Variants in CNTRL observed in about 807,000 individuals in gnomAD.
The protein encoded by CNTRL is centriolin, also known as 110 kDa centrosomal protein.
In CNTRL, 233 loss-of-function variants were observed where a neutral mutation model predicts 303.7. The observed-to-expected ratio is 0.77, with a 90% CI of 0.69 to 0.86. CNTRL has a LOEUF of 0.86. Ranked by LOEUF, CNTRL falls within the 40% of genes least tolerant of loss-of-function variation. The pLI, the probability that CNTRL is intolerant of heterozygous loss-of-function variation, is 0.00. For synonymous variants in CNTRL, 900 were observed against 922.2 expected, an observed-to-expected ratio of 0.98 and a Z score of 0.44; for missense variants, 2,524 against 2,650.6, an observed-to-expected ratio of 0.95 and a Z score of 1.05.
intron 1 of CNTRL, among the ~76,000 whole-genome samples, chr9:121,079,396 G>C (rs1480747473): frequency 2.0e-5 from 3 of 152,078 alleles, no homozygotes; most frequent in Non-Finnish European, 4.4e-5. Flanking sequence ...GGCCAGGTGT[G>C]GTAGCTCATG....
intron 14 of CNTRL, among the ~76,000 whole-genome samples, chr9:121,133,725 C>G (rs1380760454): frequency 6.6e-6 from 1 of 152,208 alleles, no homozygotes; most frequent in African/African-American, 2.4e-5. Context: ...AATCACCCGT[C>G]GTCTGCGTCG....
intron 7 of CNTRL, among the ~76,000 whole-genome samples, chr9:121,100,528 A>G (rs1424496051): frequency 6.6e-6 from 1 of 152,254 alleles, no homozygotes; most frequent in African/African-American, 2.4e-5. Context: ...AGCTAACATC[A>G]TAATGAAAGG....
In CNTRL at chr9:121,171,535, A is replaced by C. The variant is rs1564306810; in HGVS notation, c.6404A>C (p.Glu2135Ala). Residue 2135 changes from glutamate to alanine, a missense_variant, in exon 40 of 44, where the codon GAG becomes GCG. Physicochemically the swap from Glu to Ala is moderately radical, Grantham distance 107. Transcript: ENST00000373855. ...AACCAGATGCAGTATGAGTACACGG[A>C]GCTCAAGAAACAGGTGTGTGCCCAG... Reference protein sequence around the residue: ...ELNQMQYEYTELKKQMANQKD... With the variant: ...ELNQMQYEYTALKKQMANQKD... 1 of 1,613,664 alleles carries C rather than the reference A, an allele frequency of 6.2e-7. No individual in the cohort carries two copies. Among genetic ancestry groups the C allele is most frequent in the Non-Finnish European group, 8.5e-7 (1 of 1,179,736 alleles).
chr9:121,097,329 G>A (rs941533209), intron 6 of CNTRL, among the ~76,000 whole-genome samples: 3 of 152,030 alleles, frequency 2.0e-5, no homozygotes, highest in Admixed American at 6.5e-5. Context: ...CCATGACCTT[G>A]GAGAATTCTT....
chr9:121,169,885 T>A, intron 39 of CNTRL, 69 bp downstream of exon 39: 1 of 1,236,814 alleles, frequency 8.1e-7, no homozygotes, highest in Non-Finnish European at 1.2e-6. Flanking sequence ...GCAACACCAC[T>A]TCAACACAGA....
At chr9:121,149,267 G>C (rs2134182680) in intron 24 of CNTRL, among the ~76,000 whole-genome samples, 1 of 152,328 alleles carries the variant, frequency 6.6e-6, no homozygotes, top group African/African-American at 2.4e-5. Context: ...CAGAGGAAGA[G>C]TCAGACCTGA....
intron 12 of CNTRL, 38 bp downstream of exon 12, chr9:121,118,578 A>C (rs200296449): frequency 7.5e-6 from 11 of 1,468,502 alleles, no homozygotes; most frequent in Admixed American, 4.2e-5. Context: ...TTCTGTCTAC[A>C]TATTACATGT....
rs2053160186 is a variant in CNTRL at position 121,167,997 on chromosome 9, T to G, written c.5845-99T>G. 9 of 1,034,428 alleles carry G rather than the reference T, an allele frequency of 8.7e-6. No individual in the cohort carries two copies. The East Asian group carries it at 2.3e-4, about 27-fold the overall frequency. The allele number at this position is 1,034,428 out of a possible 1,614,324, so 64.1% of individuals were successfully genotyped here. ...AATGGAATTGTCCCTGTGGGCTGTC[T>G]TCTACTTTCTTTTGACCTGGAATCT... is the stretch of plus-strand genomic sequence containing the variant. On this transcript the variant is annotated intron_variant, in intron 37 of 43. Transcript: ENST00000373855.
chr9:121,155,051 T>C, intron 27 of CNTRL, 138 bp downstream of exon 27: 1 of 722,108 alleles, frequency 1.4e-6, no homozygotes, highest in Non-Finnish European at 2.4e-6. Flanking sequence ...GGCTGGACTC[T>C]GCTAGTTAAG....
chr9:121,082,129 A>G (rs564002629), intron 2 of CNTRL, among the ~76,000 whole-genome samples: 1 of 152,384 alleles, frequency 6.6e-6, no homozygotes, highest in South Asian at 2.1e-4. Context: ...TGAACAAAGA[A>G]TAGTTCACAA....
At chr9:121,085,558 A>C (rs2048312849) in intron 2 of CNTRL, among the ~76,000 whole-genome samples, 1 of 152,154 alleles carries the variant, frequency 6.6e-6, no homozygotes, top group Admixed American at 6.5e-5. Flanking sequence ...GAATTCAGAG[A>C]TTACTTCTCC....
intron 1 of CNTRL, among the ~76,000 whole-genome samples, chr9:121,075,381 C>T (rs1468144293): frequency 6.6e-6 from 1 of 152,138 alleles, no homozygotes; most frequent in Non-Finnish European, 1.5e-5. Flanking sequence ...GTGGGTCCTG[C>T]CACCTGAGCT....
intron 15 of CNTRL, among the ~76,000 whole-genome samples, chr9:121,136,708 A>G (rs1438422713): frequency 6.6e-6 from 1 of 152,222 alleles, no homozygotes; most frequent in Non-Finnish European, 1.5e-5. Flanking sequence ...CAAGTTACAG[A>G]AAACATATCC....
chr9:121,131,230 G>A (rs1156314524), intron 14 of CNTRL, among the ~76,000 whole-genome samples: 1 of 152,132 alleles, frequency 6.6e-6, no homozygotes, highest in African/African-American at 2.4e-5. Flanking sequence ...TGACAGTGGG[G>A]TGTTAAAGTC....
At chr9:121,108,063 T>C in intron 8 of CNTRL, 68 bp downstream of exon 8, 1 of 1,054,628 alleles carries the variant, frequency 9.5e-7, no homozygotes, top group Non-Finnish European at 1.3e-6. Flanking sequence ...CCCTTGGGTC[T>C]AAAAATACAA....
At chr9:121,094,803 C>G in intron 4 of CNTRL, 85 bp from the exon 5 acceptor site, 1 of 1,023,168 alleles carries the variant, frequency 9.8e-7, no homozygotes, top group Non-Finnish European at 1.4e-6. Context: ...ACTGATCAAA[C>G]AGACCCTGAT....
chr9:121,128,478 T>C (rs1420697161), intron 14 of CNTRL, among the ~76,000 whole-genome samples: 1 of 152,220 alleles, frequency 6.6e-6, no homozygotes, highest in Non-Finnish European at 1.5e-5. Context: ...CTTTGCCCCC[T>C]TTTTGATGGG....
Position 121,173,263 on chromosome 9 carries a change from G to A in CNTRL, c.6438G>A (p.Leu2146=). ...LKKQMANQKD[L]ERRQMEISDA... ...TTTAGATGGCAAACCAAAAAGATTT[G>A]GAGAGAAGACAAATGGAAATCAGTG... The change falls in exon 41 of 44, where the codon TTG becomes TTA. Residue 2146 remains leucine, a synonymous_variant. Transcript: ENST00000373855. 3 of 1,610,542 alleles carry A rather than the reference G, an allele frequency of 1.9e-6. No homozygotes were observed. The highest frequency in any genetic ancestry group is 2.5e-6 in the Non-Finnish European group (3 of 1,178,114).
At chr9:121,131,638 G>T (rs977372747) in intron 14 of CNTRL, among the ~76,000 whole-genome samples, 1 of 152,194 alleles carries the variant, frequency 6.6e-6, no homozygotes, top group Non-Finnish European at 1.5e-5. Flanking sequence ...TTACATTTAA[G>T]GTTAATATTG....
Sources: allele counts gnomAD v4.1 joint callset (sites outside exome capture counted in the v4.1 genomes callset), GRCh38; gene constraint gnomAD v4.1.1; transcripts MANE v1.5; gene names NCBI Gene and HGNC (gene_info 2026-07-23, HGNC 2026-07-21).